Variants in CDH18 observed in about 807,000 individuals in gnomAD.
CDH18 encodes cadherin 18, also known as cadherin-18.
In CDH18, 31 loss-of-function variants were observed where a neutral mutation model predicts 67.9. The ratio of observed to expected loss-of-function variants is 0.46; its 90% CI spans 0.34 to 0.62. The LOEUF is 0.62. Ranked by LOEUF, CDH18 falls within the 20% of genes least tolerant of loss-of-function variation. The pLI is 0.01. For synonymous variants in CDH18, 362 were observed against 347.2 expected (o/e 1.04, Z -0.48); for missense variants, 890 against 975.5 (o/e 0.91, Z 1.17).
At chr5:19,667,378 AATT>A (rs1489559740) in intron 5 of CDH18, among the ~76,000 whole-genome samples, 2 of 151,150 alleles carry the variant, frequency 1.3e-5, no homozygotes, top group Admixed American at 6.6e-5. Context: ...TTAATCAGTT[AATT>A]ATTAAAATAG....
At chr5:19,801,287 G>GT (rs1478993129) in intron 3 of CDH18, among the ~76,000 whole-genome samples, 2 of 152,200 alleles carry the variant, frequency 1.3e-5, no homozygotes, top group Admixed American at 6.5e-5. Flanking sequence ...CTAAGTACAC[G>GT]TATGTTTCAT....
chr5:19,733,636 G>C (rs1767909541), intron 4 of CDH18, among the ~76,000 whole-genome samples: 1 of 152,138 alleles, frequency 6.6e-6, no homozygotes, highest in African/African-American at 2.4e-5. Context: ...TGCTGATGGA[G>C]GGCAGCCGCC....
At chr5:20,273,084 T>C (rs183593449) in intron 1 of CDH18, among the ~76,000 whole-genome samples, 270 of 152,208 alleles carry the variant, frequency 1.8e-3, no homozygotes, top group African/African-American at 6.3e-3. Flanking sequence ...CCATCTCTAT[T>C]CATATATTTG....
Position 19,768,499 on chromosome 5 carries a change from A to G in CDH18, c.229-21263T>C, listed in dbSNP as rs185780780. Among the ~76,000 whole-genome samples the G allele has an allele frequency of 4.7e-3, 710 of 152,240 alleles. 2 individuals carry two copies. The highest frequency in any genetic ancestry group is 8.5e-3 in the Non-Finnish European group (580 of 68,014). On this transcript the variant is annotated intron_variant, in intron 3 of 12. Transcript: ENST00000382275. ...AAACTTGGGGTCTTTGCAAGCAGAA[A>G]TGTATGACAAAGGTGGAGTTGTAAA...
chr5:20,304,307 T>C, intron 1 of CDH18: 1 of 1,600,662 alleles, frequency 6.2e-7, no homozygotes, highest in East Asian at 2.2e-5. Context: ...AGGTTTTAAA[T>C]GCAGAGTACC....
chr5:19,604,050 C>G (rs1185358269), intron 6 of CDH18, among the ~76,000 whole-genome samples: 1 of 151,826 alleles, frequency 6.6e-6, no homozygotes, highest in Non-Finnish European at 1.5e-5. Flanking sequence ...ATTTCTTAGA[C>G]TGCATCATAA....
intron 5 of CDH18, among the ~76,000 whole-genome samples, chr5:19,638,977 GTTT>G (rs34631530): frequency 5.3e-4 from 29 of 54,704 alleles, no homozygotes; most frequent in East Asian, 1.5e-3. Context: ...TTTTGTTGCT[GTTT>G]TTTTTTTTTT....
chr5:19,654,266 C>T (rs1756009845), intron 5 of CDH18, among the ~76,000 whole-genome samples: 1 of 152,114 alleles, frequency 6.6e-6, no homozygotes, highest in Non-Finnish European at 1.5e-5. Flanking sequence ...GGTGATAGCA[C>T]TTCTATAATA....
chr5:20,281,881 T>C (rs950817942), intron 1 of CDH18, among the ~76,000 whole-genome samples: 4 of 152,202 alleles, frequency 2.6e-5, no homozygotes, highest in African/African-American at 9.6e-5. Flanking sequence ...TATCCTCTTT[T>C]ATTTCATTGA....
intron 2 of CDH18, among the ~76,000 whole-genome samples, chr5:20,076,727 C>T (rs1743976875): frequency 6.6e-6 from 1 of 152,054 alleles, no homozygotes; most frequent in Admixed American, 6.6e-5. Flanking sequence ...TGTCTTTGTT[C>T]TACCTTCTGA....
chr5:19,588,656 C>A (rs1381348317), intron 7 of CDH18, among the ~76,000 whole-genome samples: 2 of 151,804 alleles, frequency 1.3e-5, no homozygotes, highest in African/African-American at 4.8e-5. Context: ...TTCAAAAGAC[C>A]CATCTCACGT....
At chr5:19,570,103 T>C (rs1741130105) in intron 8 of CDH18, among the ~76,000 whole-genome samples, 1 of 152,140 alleles carries the variant, frequency 6.6e-6, no homozygotes, top group African/African-American at 2.4e-5. Context: ...AGATCTTTTA[T>C]GGTGCTACAT....
chr5:20,332,796 C>T (rs1322656451), intron 1 of CDH18, among the ~76,000 whole-genome samples: 2 of 152,068 alleles, frequency 1.3e-5, no homozygotes, highest in Non-Finnish European at 2.9e-5. Flanking sequence ...TTCAGGGTTA[C>T]GGGTGGCTGA....
intron 2 of CDH18, among the ~76,000 whole-genome samples, chr5:20,117,516 A>G (rs1463322038): frequency 6.6e-6 from 1 of 152,164 alleles, no homozygotes; most frequent in African/African-American, 2.4e-5. Flanking sequence ...TAAATTGAGT[A>G]CACTGATTCT....
chr5:19,733,182 G>T (rs1406973981), intron 4 of CDH18, among the ~76,000 whole-genome samples: 1 of 152,170 alleles, frequency 6.6e-6, no homozygotes, highest in African/African-American at 2.4e-5. Flanking sequence ...AAAGCCTGAA[G>T]ACCAAGCTAC....
chr5:20,315,549 G>A (rs1328661077), intron 1 of CDH18, among the ~76,000 whole-genome samples: 3 of 152,026 alleles, frequency 2.0e-5, no homozygotes, highest in African/African-American at 7.2e-5. Flanking sequence ...TCTATGATCT[G>A]CCTTCTGCAT....
intron 1 of CDH18, among the ~76,000 whole-genome samples, chr5:20,563,169 T>C (rs1403786446): frequency 6.6e-6 from 1 of 152,014 alleles, no homozygotes; most frequent in Non-Finnish European, 1.5e-5. Context: ...AATAATATAT[T>C]TTTATTTTTC....
chr5:19,867,886 G>A (rs1318578111), intron 2 of CDH18, among the ~76,000 whole-genome samples: 1 of 152,148 alleles, frequency 6.6e-6, no homozygotes, highest in African/African-American at 2.4e-5. Context: ...GACCCTGTGG[G>A]AGGTAATTGA....
At chr5:20,102,975 T>C (rs1414842640) in intron 2 of CDH18, among the ~76,000 whole-genome samples, 1 of 152,124 alleles carries the variant, frequency 6.6e-6, no homozygotes, top group East Asian at 1.9e-4. Context: ...AACAAAAACA[T>C]AAAAATCCTG....
Sources: gnomAD v4.1 joint callset for allele counts (sites outside exome capture counted in the v4.1 genomes callset) on GRCh38, gnomAD v4.1.1 for gene constraint, MANE v1.5 for transcripts, NCBI Gene and HGNC (gene_info 2026-07-23, HGNC 2026-07-21) for gene names.